Variants in ARID5B observed in about 807,000 individuals in gnomAD.
ARID5B encodes the protein AT-rich interactive domain-containing protein 5B.
In ARID5B, 13 loss-of-function variants were observed where a neutral mutation model predicts 97.2. The observed-to-expected ratio is 0.13, with a 90% CI of 0.09 to 0.21. ARID5B has a LOEUF of 0.21. ARID5B is among the 10% of genes least tolerant of loss of function. The pLI is 1.00. For missense variants in ARID5B, 1,210 were observed against 1,465.3 expected (o/e 0.83, Z 2.84); for synonymous variants, 556 against 570.3 (o/e 0.97, Z 0.36).
intron 2 of ARID5B, among the ~76,000 whole-genome samples, chr10:61,917,910 G>A (rs984861513): frequency 3.3e-5 from 5 of 152,174 alleles, no homozygotes; most frequent in Admixed American, 6.5e-5. Flanking sequence ...AGAAGTGCAT[G>A]AGTGTGAAGG....
chr10:62,001,216 C>T (rs1839076111), intron 4 of ARID5B, among the ~76,000 whole-genome samples: 1 of 145,724 alleles, frequency 6.9e-6, no homozygotes, highest in South Asian at 2.1e-4. Flanking sequence ...CTGGGGTAGC[C>T]TTATCAAACT....
chr10:62,052,949 T>C (rs1418938222), intron 5 of ARID5B, among the ~76,000 whole-genome samples: 1 of 152,214 alleles, frequency 6.6e-6, no homozygotes, highest in African/African-American at 2.4e-5. Flanking sequence ...CCTTGGCTGC[T>C]TCCAGTGGGT....
chr10:61,907,334 G>A (rs1196304130), intron 2 of ARID5B, among the ~76,000 whole-genome samples: 1 of 152,132 alleles, frequency 6.6e-6, no homozygotes, highest in Non-Finnish European at 1.5e-5. Flanking sequence ...CTTCTCTTTG[G>A]ATAGCTCCTC....
At chr10:62,085,603 A>T in intron 8 of ARID5B, 99 bp from the exon 9 acceptor site, 1 of 946,740 alleles carries the variant, frequency 1.1e-6, no homozygotes, top group Non-Finnish European at 1.6e-6. Context: ...GAAGTCATTT[A>T]ATAATTTGCT....
intron 9 of ARID5B, among the ~76,000 whole-genome samples, chr10:62,088,373 C>T (rs1028829022): frequency 2.0e-5 from 3 of 152,090 alleles, no homozygotes; most frequent in African/African-American, 4.8e-5. Context: ...GACAGCTGAC[C>T]GTTGAATATC....
At chr10:61,982,646 G>A (rs1838792520) in intron 3 of ARID5B, among the ~76,000 whole-genome samples, 1 of 152,170 alleles carries the variant, frequency 6.6e-6, no homozygotes, top group African/African-American at 2.4e-5. Flanking sequence ...ATCATGTGGT[G>A]GGAAATTTGA....
intron 3 of ARID5B, among the ~76,000 whole-genome samples, chr10:61,953,016 T>C (rs1007771892): frequency 1.3e-5 from 2 of 152,126 alleles, no homozygotes; most frequent in Non-Finnish European, 2.9e-5. Flanking sequence ...TTTATTATTA[T>C]CGGCTTGTTT....
chr10:61,933,569 ATGT>A lies in ARID5B; in HGVS notation c.277-6610_277-6608del, dbSNP rs146858668. ...CCTTGATCCATGGACTGCAGAATAGATGTTGTGTTAGCAGGCATAAAAACAACA... is the reference window on the plus strand; with the variant it reads ...CCTTGATCCATGGACTGCAGAATAGATGTGTTAGCAGGCATAAAAACAACA... On this transcript the variant is annotated intron_variant, in intron 2 of 9. Transcript: ENST00000279873. Among the ~76,000 whole-genome samples the A allele has an allele frequency of 6.3e-3, 964 of 152,340 alleles. 10 individuals carry two copies. Among genetic ancestry groups the A allele is most frequent in the African/African-American group, 0.022 (918 of 41,582 alleles).
chr10:62,067,908 G>C (rs1020436987), intron 7 of ARID5B, among the ~76,000 whole-genome samples: 1 of 152,212 alleles, frequency 6.6e-6, no homozygotes, highest in Non-Finnish European at 1.5e-5. Context: ...AGGATGATCA[G>C]AGTGATGGTT....
At chr10:62,068,263 C>T (rs147785057) in intron 7 of ARID5B, among the ~76,000 whole-genome samples, 2 of 152,286 alleles carry the variant, frequency 1.3e-5, no homozygotes, top group African/African-American at 4.8e-5. Flanking sequence ...TTTTCAGTTA[C>T]ACCTGCTAGT....
intron 8 of ARID5B, among the ~76,000 whole-genome samples, chr10:62,084,333 C>T (rs1276907105): frequency 6.6e-6 from 1 of 152,160 alleles, no homozygotes; most frequent in Non-Finnish European, 1.5e-5. Context: ...CCTGAACAAT[C>T]GTGTATGGTT....
chr10:62,036,396 C>G (rs942117740), intron 4 of ARID5B, among the ~76,000 whole-genome samples: 6 of 7,582 alleles, frequency 7.9e-4, no homozygotes, highest in African/African-American at 7.4e-4. Flanking sequence ...TTCAGCCCAG[C>G]CTAGCAAGCA....
Position 62,091,824 on chromosome 10 carries a change from C to T in ARID5B, c.2361C>T (p.Ser787=), listed in dbSNP as rs745891908. 1.5e-5 allele frequency: 24 copies of T among 1,614,016 alleles called. No individual in the cohort carries two copies. Among genetic ancestry groups the T allele is most frequent in the East Asian group, 2.2e-5 (1 of 44,898 alleles). The change falls in exon 10 of 10, where the codon AGC becomes AGT. Residue 787 remains serine, a synonymous_variant. Transcript: ENST00000279873. ...GTCGATCAGATCCCCACCGCTGCAG[C>T]TTCTCCAAGCATCACCTTAACCCCC... ...KLSRSDPHRC[S]FSKHHLNPLA... is the part of the protein sequence containing the mutation.
At chr10:61,932,413 C>CTTTTTCT (rs1844226371) in intron 2 of ARID5B, among the ~76,000 whole-genome samples, 1 of 135,518 alleles carries the variant, frequency 7.4e-6, no homozygotes, top group African/African-American at 2.8e-5. Flanking sequence ...TTTTCTTTTT[C>CTTTTTCT]TTTTTTTTTT....
intron 8 of ARID5B, among the ~76,000 whole-genome samples, chr10:62,075,575 C>T (rs1359072947): frequency 2.0e-5 from 3 of 152,250 alleles, no homozygotes; most frequent in Non-Finnish European, 4.4e-5. Flanking sequence ...CGACTCGCCA[C>T]ATGTCTGCTC....
chr10:61,949,499 T>C (rs1463763578), intron 3 of ARID5B, among the ~76,000 whole-genome samples: 1 of 152,068 alleles, frequency 6.6e-6, no homozygotes, highest in Non-Finnish European at 1.5e-5. Flanking sequence ...TAGACGGGTA[T>C]GGTAGCACAC....
chr10:61,936,581 C>A (rs1844304508), intron 2 of ARID5B, among the ~76,000 whole-genome samples: 1 of 152,188 alleles, frequency 6.6e-6, no homozygotes. Flanking sequence ...CGTGCCACTG[C>A]ACTTCAGCCT....
chr10:61,974,921 C>A (rs941185563), intron 3 of ARID5B, among the ~76,000 whole-genome samples: 2 of 150,588 alleles, frequency 1.3e-5, no homozygotes, highest in African/African-American at 5.0e-5. Flanking sequence ...AGCCTGGGGT[C>A]TCGGGGGCAG....
chr10:61,994,157 G>A (rs1838965424), intron 3 of ARID5B, among the ~76,000 whole-genome samples: 1 of 152,032 alleles, frequency 6.6e-6, no homozygotes, highest in Non-Finnish European at 1.5e-5. Flanking sequence ...CAAAATACTT[G>A]GCAGATTTTT....
Sources: allele counts gnomAD v4.1 joint callset (sites outside exome capture counted in the v4.1 genomes callset), GRCh38; gene constraint gnomAD v4.1.1; transcripts MANE v1.5; gene names NCBI Gene and HGNC (gene_info 2026-07-23, HGNC 2026-07-21).